ZNF425: variants seen among roughly 807,000 people sequenced by gnomAD.
ZNF425 encodes the protein zinc finger protein 425.
In ZNF425, 21 loss-of-function variants were observed where a neutral mutation model predicts 17.0. The observed-to-expected ratio is 1.23, with a 90% CI of 0.88 to 1.78. The LOEUF is 1.78. ZNF425 is among the 40% of genes most tolerant of loss of function. ZNF425 has a pLI of 0.00. For missense variants in ZNF425, 868 were observed against 967.3 expected (o/e 0.90, Z 1.36); for synonymous variants, 433 against 384.1 (o/e 1.13, Z -1.49).
At chr7:149,122,079 CTTTT>C (rs1187182130) in intron 1 of ZNF425, among the ~76,000 whole-genome samples, 4 of 129,108 alleles carry the variant, frequency 3.1e-5, no homozygotes, top group African/African-American at 1.2e-4. Context: ...CCACCGCCGG[CTTTT>C]TTTTTTTTTT....
At chr7:149,117,905 G>A (rs895907029) in intron 2 of ZNF425, among the ~76,000 whole-genome samples, 2 of 152,062 alleles carry the variant, frequency 1.3e-5, no homozygotes, top group Admixed American at 6.6e-5. Flanking sequence ...ACCCGCCTCA[G>A]CCTCCCAAAG....
chr7:149,116,219 C>T lies in ZNF425; in HGVS notation c.145+2003G>A, dbSNP rs556737852. 1.6e-4 allele frequency among the ~76,000 whole-genome samples: 24 copies of T among 152,292 alleles called. No homozygotes were observed. In the East Asian group the frequency reaches 3.9e-3, roughly 24 times the overall value. On this transcript the variant is annotated intron_variant, in intron 2 of 3. Coordinates refer to ENST00000378061, the MANE Select transcript of ZNF425 (RefSeq NM_001001661.3). ...ATAGTTTAAAATACCATCACTATAA[C>T]GTCTTCCAATTCTGTAAATCCAGTC... is the stretch of plus-strand genomic sequence containing the variant.
At chr7:149,111,710 C>T (rs967051846) in intron 3 of ZNF425, among the ~76,000 whole-genome samples, 2 of 149,808 alleles carry the variant, frequency 1.3e-5, no homozygotes, top group Non-Finnish European at 3.0e-5. Context: ...GATGGAGTCT[C>T]GCTCTGTCTC....
At chr7:149,124,398 G>A (rs1398323498) in intron 1 of ZNF425, among the ~76,000 whole-genome samples, 3 of 152,118 alleles carry the variant, frequency 2.0e-5, no homozygotes, top group East Asian at 3.9e-4. Flanking sequence ...CTCATGATCC[G>A]CCCGTCTTGG....
Position 149,104,145 on chromosome 7 carries a change from G to A in ZNF425, c.1726C>T (p.His576Tyr), listed in dbSNP as rs972184034. 6.2e-7 allele frequency: 1 copy of A among 1,613,218 alleles called. No homozygotes were observed. Among genetic ancestry groups the A allele is most frequent in the African/African-American group, 1.3e-5 (1 of 74,830 alleles). ...KASMKFHQRM[H>Y]RDEKPFACGE... ...CACGCGAAGGGCTTCTCGTCCCTGT[G>A]CATCCGCTGGTGGAACTTCATGGAG... is the stretch of plus-strand genomic sequence containing the variant. Residue 576 changes from histidine (H) to tyrosine (Y), a missense_variant, in exon 4 of 4, where the codon CAC becomes TAC. Around this residue, in one of 5 missense-constraint regions of ZNF425, gnomAD observed 437 missense variants for 444.2 expected, o/e 0.98. Transcript: ENST00000378061. The surrounding 1 kb of genome is among the most constrained non-coding windows in gnomAD (Gnocchi z 4.3).
intron 1 of ZNF425, among the ~76,000 whole-genome samples, chr7:149,119,656 T>A (rs565424728): frequency 1.4e-4 from 22 of 152,128 alleles, no homozygotes; most frequent in Middle Eastern, 3.4e-3. Flanking sequence ...AAGCCAGGTA[T>A]GGTAATCCCA....
intron 2 of ZNF425, among the ~76,000 whole-genome samples, chr7:149,113,003 G>C (rs1045084784): frequency 5.5e-5 from 7 of 128,244 alleles, no homozygotes; most frequent in African/African-American, 2.1e-4. Flanking sequence ...TTTAGACAGA[G>C]TATCGCTCTG....
rs749385438 is a variant in ZNF425 at position 149,103,642 on chromosome 7, C to T, written c.2229G>A (p.Val743=). ...YVGALKTHIA[V]HAKEKPSSL ...GGCTGGAGGGCTTCTCTTTGGCATGCACTGCAATGTGGGTCTTGAGCGCCC... is the reference window on the plus strand; with the variant it reads ...GGCTGGAGGGCTTCTCTTTGGCATGTACTGCAATGTGGGTCTTGAGCGCCC... The change falls in exon 4 of 4, where the codon GTG becomes GTA. Residue 743 remains valine, a synonymous_variant. Transcript: ENST00000378061. The T allele has an allele frequency of 1.2e-6, 2 of 1,611,004 alleles. No homozygotes were observed. The highest frequency in any genetic ancestry group is 2.2e-5 in the South Asian group (2 of 90,626).
At position 149,105,105 on chromosome 7, in the gene ZNF425, A is replaced by G; in HGVS notation, c.766T>C (p.Phe256Leu). 1 of 1,614,234 alleles carries G rather than the reference A, an allele frequency of 6.2e-7. No homozygotes were observed. The highest frequency in any genetic ancestry group is 8.5e-7 in the Non-Finnish European group (1 of 1,180,038). Residue 256 changes from phenylalanine to leucine, a missense_variant, in exon 4 of 4, where the codon TTC becomes CTC. Physicochemically the swap from Phe to Leu is conservative, Grantham distance 22. Around this residue, in one of 5 missense-constraint regions of ZNF425, gnomAD observed 243 missense variants for 265.2 expected, o/e 0.92. Coordinates refer to ENST00000378061, the MANE Select transcript of ZNF425 (RefSeq NM_001001661.3). The part of the protein sequence containing the change: ...FQCSECEKSY[F>L]LKGSLVTHQV... Reference sequence around the variant, plus strand: ...TGAGTGACGAGGCTGCCCTTCAGGAAGTAGCTCTTCTCACACTCACTGCAC... The same window carrying G: ...TGAGTGACGAGGCTGCCCTTCAGGAGGTAGCTCTTCTCACACTCACTGCAC...
intron 1 of ZNF425, among the ~76,000 whole-genome samples, chr7:149,124,374 C>T (rs1282056868): frequency 2.0e-5 from 3 of 151,888 alleles, no homozygotes; most frequent in Admixed American, 2.0e-4. Context: ...CCAGGATGGT[C>T]TCGATCTCCT....
chr7:149,118,215 A>T lies in ZNF425; in HGVS notation c.145+7T>A. 1 of 1,614,006 alleles carries T rather than the reference A, an allele frequency of 6.2e-7. No homozygotes were observed. The highest frequency in any genetic ancestry group is 1.3e-5 in the African/African-American group (1 of 75,034). On this transcript the variant is annotated splice_region_variant and intron_variant, in intron 2 of 3. Transcript: ENST00000378061. ...CTAAAAAGTGATTCCTTAGAAGCTCATCTTACCCAGGGAATCAAGGGTCTC... is the reference window on the plus strand; with the variant it reads ...CTAAAAAGTGATTCCTTAGAAGCTCTTCTTACCCAGGGAATCAAGGGTCTC...
chr7:149,119,372 C>T (rs1473648904), intron 1 of ZNF425, among the ~76,000 whole-genome samples: 2 of 152,084 alleles, frequency 1.3e-5, no homozygotes, highest in African/African-American at 4.8e-5. Flanking sequence ...AGGCACGAGC[C>T]ACTACGCCTG....
At chr7:149,121,018 T>C (rs558224644) in intron 1 of ZNF425, among the ~76,000 whole-genome samples, 1 of 152,260 alleles carries the variant, frequency 6.6e-6, no homozygotes, top group African/African-American at 2.4e-5. Flanking sequence ...GATGAGTATT[T>C]GTTTAGTTTT....
At chr7:149,110,454 T>C (rs966463242) in intron 3 of ZNF425, among the ~76,000 whole-genome samples, 3 of 151,146 alleles carry the variant, frequency 2.0e-5, no homozygotes, top group African/African-American at 7.3e-5. Flanking sequence ...TAATCCCAGC[T>C]ACTCAGGAGG....
rs1826008025 is a variant in ZNF425, at chr7:149,103,408, G to C, written c.*204C>G. 1.7e-6 allele frequency: 1 copy of C among 587,072 alleles called. No individual in the cohort carries two copies. Among genetic ancestry groups the C allele is most frequent in the Admixed American group, 3.4e-5 (1 of 29,040 alleles). The allele number at this position is 587,072 out of a possible 1,614,324, so 36.4% of individuals were successfully genotyped here. A position where few individuals can be genotyped will look rare whatever the true frequency, so the allele number is the denominator to read the frequency against. ...GACTTTTATATTTTTTGTAGAGATG[G>C]AGTCTTGCAATGTTGCCTAGGCTGG... On this transcript the variant is annotated 3_prime_UTR_variant, in exon 4 of 4. Coordinates refer to ENST00000378061, the MANE Select transcript of ZNF425 (RefSeq NM_001001661.3).
chr7:149,113,694 G>A (rs1826210387), intron 2 of ZNF425, among the ~76,000 whole-genome samples: 1 of 151,790 alleles, frequency 6.6e-6, no homozygotes, highest in African/African-American at 2.4e-5. Context: ...TGGGACTACA[G>A]GCGCCTGCCA....
At chr7:149,105,590 C>G (rs2129517748) in intron 3 of ZNF425, 24 bp from the exon 4 acceptor site, 1 of 1,493,300 alleles carries the variant, frequency 6.7e-7, no homozygotes, top group South Asian at 1.4e-5. Context: ...AAGTATCACT[C>G]TCATCAGTGA....
chr7:149,123,847 T>C (rs1364934558), intron 1 of ZNF425, among the ~76,000 whole-genome samples: 1 of 147,352 alleles, frequency 6.8e-6, no homozygotes, highest in South Asian at 2.1e-4. Context: ...TTTTCTTTTT[T>C]TTTTTTTTTT....
At position 149,105,435 on chromosome 7, in the gene ZNF425, G is replaced by A; in HGVS notation, c.436C>T (p.Pro146Ser). 3 of 1,555,062 alleles carry A rather than the reference G, an allele frequency of 1.9e-6. No homozygotes were observed. Among genetic ancestry groups the A allele is most frequent in the Non-Finnish European group, 2.6e-6 (3 of 1,155,814 alleles). Reference sequence around the variant, plus strand: ...AGAATCTCTGTTTCTCGGAGACTTGGAGACTGGAAGGTGGCTGTTTGAGCT... The same window carrying A: ...AGAATCTCTGTTTCTCGGAGACTTGAAGACTGGAAGGTGGCTGTTTGAGCT... ...LLAQTATFQS[P>S]SLRETEILNK... Residue 146 changes from proline to serine, a missense_variant, in exon 4 of 4, where the codon CCA becomes TCA. Around this residue, in one of 5 missense-constraint regions of ZNF425, gnomAD observed 179 missense variants for 216.3 expected, o/e 0.83. Coordinates refer to ENST00000378061, the MANE Select transcript of ZNF425 (RefSeq NM_001001661.3).
Sources: gnomAD v4.1 joint callset for allele counts (sites outside exome capture counted in the v4.1 genomes callset) on GRCh38, gnomAD v4.1.1 for gene constraint, gnomAD v4.1.1 regional missense constraint, Gnocchi (gnomAD v3.1) non-coding constraint, MANE v1.5 for transcripts, NCBI Gene and HGNC (gene_info 2026-07-23, HGNC 2026-07-21) for gene names.